The following JAK1 variants were observed in gnomAD, a reference collection of about 807,000 sequenced individuals.
The protein encoded by JAK1 is Janus kinase 1.
A neutral mutation model predicts 136.6 loss-of-function variants in JAK1; 16 were observed. That is an observed-to-expected ratio of 0.12 (90% CI 0.08 to 0.18). The LOEUF is 0.18. JAK1 is among the 10% of genes least tolerant of loss of function. JAK1 has a pLI of 1.00. For missense variants in JAK1, 859 were observed against 1,450.1 expected (o/e 0.59, Z 6.62); for synonymous variants, 492 against 519.5 (o/e 0.95, Z 0.72).
Position 64,839,733 on chromosome 1 carries a change from C to G in JAK1, c.2712G>C (p.Gln904His), listed in dbSNP as rs1402720976. The change falls in exon 20 of 25, where the codon CAG (glutamine) becomes CAC (histidine). Residue 904 changes from glutamine (Q) to histidine (H), a missense_variant. By Grantham distance (24) the Gln-to-His change is conservative (BLOSUM62 0). Around this residue, in one of 4 missense-constraint regions of JAK1, gnomAD observed 409 missense variants for 753.8 expected, o/e 0.54. Coordinates refer to ENST00000342505, the MANE Select transcript of JAK1 (RefSeq NM_002227.4). The part of the protein sequence containing the change: ...YDPEGDNTGE[Q>H]VAVKSLKPES... Reference sequence around the variant, plus strand: ...CAGGCTTCAGAGATTTAACAGCCACCTGCTCCCCTGTATTGTCCCCTTCGG... The same window carrying G: ...CAGGCTTCAGAGATTTAACAGCCACGTGCTCCCCTGTATTGTCCCCTTCGG... The G allele has an allele frequency of 2.5e-6, 4 of 1,614,268 alleles. No homozygotes were observed. Among genetic ancestry groups the G allele is most frequent in the Admixed American group, 3.3e-5 (2 of 60,030 alleles).
chr1:64,859,000 G>A (rs310225), intron 9 of JAK1, among the ~76,000 whole-genome samples: 52,625 of 152,100 alleles, frequency 0.35, 10,695 homozygotes, highest in African/African-American at 0.57. Context: ...GCACAACCAT[G>A]GCTGGGACAT....
At chr1:64,838,427 G>C in intron 21 of JAK1, 38 bp downstream of exon 21, 2 of 1,605,886 alleles carry the variant, frequency 1.2e-6, no homozygotes, top group Non-Finnish European at 1.7e-6. Context: ...CAGAGTGCCT[G>C]ATGTCTTAAT....
At chr1:64,969,020 G>A (rs1646426473), upstream of JAK1, among the ~76,000 whole-genome samples, 1 of 151,660 alleles carries the variant, frequency 6.6e-6, no homozygotes, top group South Asian at 2.1e-4. Context: ...TGATGCTGGA[G>A]GATCACTTGA....
intron 1 of JAK1, among the ~76,000 whole-genome samples, chr1:64,897,788 T>G (rs1225807526): frequency 6.6e-6 from 1 of 151,816 alleles, no homozygotes; most frequent in Non-Finnish European, 1.5e-5. Context: ...GTCCCCAGTA[T>G]GTGAAGGTGT....
intron 3 of JAK1, among the ~76,000 whole-genome samples, chr1:64,882,700 G>GA (rs1424123868): frequency 6.6e-6 from 1 of 151,828 alleles, no homozygotes; most frequent in African/African-American, 2.4e-5. Flanking sequence ...CTTGAAAGGA[G>GA]AAAAAAAAGC....
At chr1:64,854,539 A>G (rs1655800367) in intron 11 of JAK1, among the ~76,000 whole-genome samples, 1 of 152,060 alleles carries the variant, frequency 6.6e-6, no homozygotes, top group South Asian at 2.1e-4. Context: ...CTGGGCCTCA[A>G]TTTTCTCATC....
intron 1 of JAK1, among the ~76,000 whole-genome samples, chr1:64,928,778 CAAA>C (rs1183218798): frequency 1.5e-3 from 94 of 61,140 alleles, no homozygotes; most frequent in Non-Finnish European, 2.6e-3. Context: ...TAAAACTCTG[CAAA>C]AAAAAAAAAA....
intron 3 of JAK1, among the ~76,000 whole-genome samples, chr1:64,881,245 G>C (rs1285558003): frequency 7.4e-6 from 1 of 134,850 alleles, no homozygotes; most frequent in Non-Finnish European, 1.6e-5. Context: ...CTAGGGGACA[G>C]AGCAAGACCC....
chr1:64,871,092 C>G (rs1426997206), intron 5 of JAK1, among the ~76,000 whole-genome samples: 2 of 152,198 alleles, frequency 1.3e-5, no homozygotes, highest in Non-Finnish European at 2.9e-5. Context: ...AACTGGGAAG[C>G]TGAATCCAAA....
rs187934005 is a variant in JAK1, at chr1:64,997,718, C to T, written c.-78+46762G>A. ...GTGGTATGAGTGTGGGAGTGTGGGG[C>T]TGTCGGGGACTGTTGTGGGGAGGAG... On this transcript the variant is annotated intron_variant, in intron 2 of 25. Transcript: ENST00000671954. Among the ~76,000 whole-genome samples the T allele has an allele frequency of 2.2e-4, 33 of 152,212 alleles. No individual in the cohort carries two copies. The East Asian group carries it at 6.2e-3, about 29-fold the overall frequency.
rs1304371483 is a variant in JAK1, at chr1:64,844,802, T to C, written c.2203A>G (p.Ile735Val). Residue 735 changes from isoleucine (I) to valine (V), a missense_variant, in exon 16 of 25, where the codon ATC becomes GTC. Physicochemically the swap from Ile to Val is conservative, Grantham distance 29. This residue lies in a region of JAK1 where 409 missense variants were observed against 753.8 expected (regional missense o/e 0.54). Coordinates refer to ENST00000342505, the MANE Select transcript of JAK1 (RefSeq NM_002227.4). This position sits in a 1 kb window ranked among gnomAD's most constrained non-coding sequence, Gnocchi z 5.7. ...EGIDSECGPFIKLSDPGIPIT... is the reference protein window; with the variant it reads ...EGIDSECGPFVKLSDPGIPIT... ...GGGATGCCGGGGTCACTGAGCTTGA[T>C]GAATGGGCCACACTCACTGTCGATG... 5 of 1,614,182 alleles carry C rather than the reference T, an allele frequency of 3.1e-6. No homozygotes were observed. The highest frequency in any genetic ancestry group is 1.7e-5 in the Admixed American group (1 of 60,026).
At chr1:65,042,042 T>TCAAAA (rs897150062) in intron 2 of JAK1, among the ~76,000 whole-genome samples, 9 of 150,776 alleles carry the variant, frequency 6.0e-5, no homozygotes, top group African/African-American at 1.2e-4. Flanking sequence ...AAACTCTGTC[T>TCAAAA]CAAAACAAAA....
intron 20 of JAK1, 167 bp downstream of exon 20, chr1:64,839,436 G>A (rs1654748235): frequency 6.9e-6 from 4 of 578,358 alleles, no homozygotes; most frequent in South Asian, 2.7e-5. Context: ...CCCTGCAGCT[G>A]CTGAGGGATT....
intron 1 of JAK1, among the ~76,000 whole-genome samples, chr1:65,053,788 T>A (rs1386587359): frequency 6.6e-6 from 1 of 152,236 alleles, no homozygotes; most frequent in Non-Finnish European, 1.5e-5. Context: ...ACCACTGCAC[T>A]CTAAGCCTGA....
chr1:64,841,375 G>A, intron 18 of JAK1, 36 bp from the exon 19 acceptor site: 1 of 1,610,996 alleles, frequency 6.2e-7, no homozygotes, highest in South Asian at 1.1e-5. Context: ...GTGAAAGGCA[G>A]TCGATTGCCA....
At chr1:64,930,719 T>C (rs1340571300) in intron 1 of JAK1, among the ~76,000 whole-genome samples, 2 of 152,184 alleles carry the variant, frequency 1.3e-5, no homozygotes, top group African/African-American at 4.8e-5. Flanking sequence ...TGCAGCACTG[T>C]TCACCATAGC....
intron 2 of JAK1, among the ~76,000 whole-genome samples, chr1:65,020,237 A>T (rs995491618): frequency 6.6e-6 from 1 of 151,724 alleles, no homozygotes; most frequent in African/African-American, 2.4e-5. Context: ...AAAAAAAAAA[A>T]AAAAAAAAAA....
chr1:65,038,264 T>A (rs1197855838), intron 2 of JAK1, among the ~76,000 whole-genome samples: 1 of 150,624 alleles, frequency 6.6e-6, no homozygotes, highest in African/African-American at 2.4e-5. Context: ...AATGGCGCGA[T>A]CTCAGCTCAC....
chr1:65,008,663 T>C (rs1646823368), intron 2 of JAK1, among the ~76,000 whole-genome samples: 2 of 151,202 alleles, frequency 1.3e-5, no homozygotes, highest in Non-Finnish European at 3.0e-5. Context: ...TCTTCCCCTT[T>C]CCCTTCCCCT....
Sources: gnomAD v4.1 joint callset for allele counts (sites outside exome capture counted in the v4.1 genomes callset) on GRCh38, gnomAD v4.1.1 for gene constraint, gnomAD v4.1.1 regional missense constraint, Gnocchi (gnomAD v3.1) non-coding constraint, MANE v1.5 for transcripts, NCBI Gene and HGNC (gene_info 2026-07-23, HGNC 2026-07-21) for gene names.